Variants in ARHGAP32 observed in about 807,000 individuals in gnomAD.
ARHGAP32 encodes rho GTPase-activating protein 32.
Under a neutral mutation model 186.5 loss-of-function variants are expected in ARHGAP32, and 51 were observed. The observed-to-expected ratio is 0.27, with a 90% CI of 0.22 to 0.35. The LOEUF (loss-of-function observed/expected upper bound fraction) is 0.35. Among genes scored for constraint, ARHGAP32 ranks in the 10% least tolerant of loss-of-function variants. ARHGAP32 has a pLI of 1.00. For missense variants in ARHGAP32, 2,186 were observed against 2,623.5 expected (o/e 0.83, Z 3.64); for synonymous variants, 950 against 964.3 (o/e 0.99, Z 0.27).
At position 129,030,970 on chromosome 11, in the gene ARHGAP32, C is replaced by T. The variant is rs530807170; in HGVS notation, c.1045+9958G>A. ...CCACATGAGGTGCCTGCTCCCACTT[C>T]GCTTTCAACCATAAGTAAATGCTCC... On this transcript the variant is annotated intron_variant, in intron 11 of 22. Transcript: ENST00000682385. Among the ~76,000 whole-genome samples the T allele has an allele frequency of 8.5e-5, 13 of 152,342 alleles. 1 individual carries two copies. Among genetic ancestry groups the T allele is most frequent in the South Asian group, 8.3e-4 (4 of 4,826 alleles).
At chr11:129,137,804 AT>A (rs754827456) in intron 2 of ARHGAP32, among the ~76,000 whole-genome samples, 5 of 152,056 alleles carry the variant, frequency 3.3e-5, no homozygotes, top group Non-Finnish European at 7.4e-5. Flanking sequence ...TTAAATCTTG[AT>A]TATGGCACAG....
chr11:129,198,055 C>T (rs1054802256), intron 1 of ARHGAP32, among the ~76,000 whole-genome samples: 9 of 152,150 alleles, frequency 5.9e-5, no homozygotes, highest in Non-Finnish European at 1.3e-4. Context: ...CAGAAAAGGT[C>T]TACTTGAATA....
intron 1 of ARHGAP32, among the ~76,000 whole-genome samples, chr11:129,211,838 A>G (rs1944585982): frequency 6.6e-6 from 1 of 152,220 alleles, no homozygotes; most frequent in Non-Finnish European, 1.5e-5. Flanking sequence ...TTCAAGTGAA[A>G]GAAATATCAT....
intron 11 of ARHGAP32, among the ~76,000 whole-genome samples, chr11:129,007,650 T>C (rs1937856410): frequency 6.6e-6 from 1 of 152,154 alleles, no homozygotes; most frequent in Non-Finnish European, 1.5e-5. Context: ...AGAAGGGATC[T>C]GTTTTGGAGT....
At chr11:129,274,906 T>TA (rs74951555) in intron 1 of ARHGAP32, among the ~76,000 whole-genome samples, 106 of 135,294 alleles carry the variant, frequency 7.8e-4, no homozygotes, top group East Asian at 3.6e-3. Flanking sequence ...TTCATCTTTC[T>TA]AAAAAAAAAA....
chr11:129,074,255 C>G (rs1220955209), intron 6 of ARHGAP32, among the ~76,000 whole-genome samples: 1 of 132,334 alleles, frequency 7.6e-6, no homozygotes, highest in African/African-American at 3.0e-5. Flanking sequence ...CAACAATGTA[C>G]TTGACTATGT....
intron 1 of ARHGAP32, among the ~76,000 whole-genome samples, chr11:129,166,941 A>G (rs902205101): frequency 6.6e-6 from 1 of 152,110 alleles, no homozygotes; most frequent in African/African-American, 2.4e-5. Flanking sequence ...GGATTTCTCT[A>G]TTGGTTGAGA....
chr11:129,252,195 T>C (rs1330118614), intron 1 of ARHGAP32, among the ~76,000 whole-genome samples: 1 of 152,194 alleles, frequency 6.6e-6, no homozygotes, highest in Non-Finnish European at 1.5e-5. Flanking sequence ...CACTAATTGG[T>C]TTATTTCCAA....
At chr11:129,206,577 G>A (rs1013373408) in intron 1 of ARHGAP32, among the ~76,000 whole-genome samples, 4 of 151,778 alleles carry the variant, frequency 2.6e-5, no homozygotes, top group African/African-American at 9.7e-5. Context: ...ATGATATTTT[G>A]GTAAATAAGT....
intron 5 of ARHGAP32, among the ~76,000 whole-genome samples, chr11:129,109,299 T>A (rs181872809): frequency 6.6e-6 from 1 of 152,218 alleles, no homozygotes; most frequent in East Asian, 1.9e-4. Flanking sequence ...TAACCATTCG[T>A]CTGTGGAGAG....
At chr11:129,014,406 C>T (rs1048315886) in intron 11 of ARHGAP32, among the ~76,000 whole-genome samples, 5 of 152,134 alleles carry the variant, frequency 3.3e-5, no homozygotes, top group African/African-American at 1.2e-4. Context: ...GCAATCCCAA[C>T]GAATTCTTGC....
intron 11 of ARHGAP32, among the ~76,000 whole-genome samples, chr11:129,032,533 T>C (rs1413727173): frequency 1.3e-5 from 2 of 152,264 alleles, no homozygotes; most frequent in Non-Finnish European, 2.9e-5. Flanking sequence ...GGGATTTTAC[T>C]GTTCTGTGAT....
intron 6 of ARHGAP32, among the ~76,000 whole-genome samples, chr11:129,085,077 G>A (rs1941343760): frequency 6.6e-6 from 1 of 151,844 alleles, no homozygotes; most frequent in African/African-American, 2.4e-5. Context: ...AGGCTGGAGT[G>A]CAGTGGTACA....
At position 129,203,889 on chromosome 11, in the gene ARHGAP32, C is replaced by A. The variant is rs563071098; in HGVS notation, c.-4-39462G>T. Among the ~76,000 whole-genome samples, 40 of 148,612 alleles carry A rather than the reference C, an allele frequency of 2.7e-4. No homozygotes were observed. The South Asian group carries it at 7.8e-3, about 29-fold the overall frequency. On this transcript the variant is annotated intron_variant, in intron 1 of 6. Transcript: ENST00000525234. ...CACCAGCCCAGTCGACAGAGTGAGACCCCCATCTAAAAAAATTGCATATAT... is the reference window on the plus strand; with the variant it reads ...CACCAGCCCAGTCGACAGAGTGAGAACCCCATCTAAAAAAATTGCATATAT...
chr11:129,177,525 G>A (rs1422733706), intron 1 of ARHGAP32, among the ~76,000 whole-genome samples: 14 of 152,158 alleles, frequency 9.2e-5, no homozygotes, highest in Non-Finnish European at 1.6e-4. Context: ...GAACATTGAT[G>A]CAAAAACCCT....
At chr11:129,146,535 G>C (rs1943170141) in intron 2 of ARHGAP32, among the ~76,000 whole-genome samples, 1 of 152,026 alleles carries the variant, frequency 6.6e-6, no homozygotes, top group Admixed American at 6.6e-5. Flanking sequence ...ATATTTAATT[G>C]ATAAACAATC....
Position 128,978,806 on chromosome 11 carries a change from T to G in ARHGAP32, c.2086A>C (p.Ser696Arg). The stretch of plus-strand genomic sequence containing the variant: ...ATGGCTTTCATCTCTGAAGGCTCAC[T>G]CTCATTCCGCTGCAGCTTTCGTTTA... Reference protein sequence around the residue: ...VSKRKLQRNESEPSEMKAMAL... With the variant: ...VSKRKLQRNEREPSEMKAMAL... The change falls in exon 19 of 23, where the codon AGT (serine) becomes CGT (arginine). Residue 696 changes from serine to arginine, a missense_variant. This residue lies in a region of ARHGAP32 where 263 missense variants were observed against 323.5 expected (regional missense o/e 0.81). Coordinates refer to ENST00000682385, the MANE Select transcript of ARHGAP32 (RefSeq NM_001378024.1). 1 of 1,612,994 alleles carries G rather than the reference T, an allele frequency of 6.2e-7. No homozygotes were observed. The highest frequency in any genetic ancestry group is 1.1e-5 in the South Asian group (1 of 90,928).
chr11:129,028,663 T>A (rs977322645), intron 11 of ARHGAP32, among the ~76,000 whole-genome samples: 1 of 152,230 alleles, frequency 6.6e-6, no homozygotes, highest in Non-Finnish European at 1.5e-5. Flanking sequence ...GAATGACATG[T>A]TTGTCACTTA....
chr11:129,029,719 G>A lies in ARHGAP32; in HGVS notation c.1045+11209C>T, dbSNP rs556110904. Among the ~76,000 whole-genome samples, 22 of 139,552 alleles carry A rather than the reference G, an allele frequency of 1.6e-4. 1 individual carries two copies. The highest frequency in any genetic ancestry group is 4.9e-4 in the African/African-American group (19 of 38,496). 91.6% of individuals were successfully genotyped at this position (139,552 alleles called of 152,430 possible). A position where few individuals can be genotyped will look rare whatever the true frequency, so the allele number is the denominator to read the frequency against. Reference sequence around the variant, plus strand: ...CGGGAGGCTGAGGCAGGAGAATGGCGTGAACCCGGGAGGCGGAGCTTGCAG... The same window carrying A: ...CGGGAGGCTGAGGCAGGAGAATGGCATGAACCCGGGAGGCGGAGCTTGCAG... On this transcript the variant is annotated intron_variant, in intron 11 of 22. Coordinates refer to ENST00000682385, the MANE Select transcript of ARHGAP32 (RefSeq NM_001378024.1).
Sources: gnomAD v4.1 joint callset for allele counts (sites outside exome capture counted in the v4.1 genomes callset) on GRCh38, gnomAD v4.1.1 for gene constraint, gnomAD v4.1.1 regional missense constraint, MANE v1.5 for transcripts, NCBI Gene and HGNC (gene_info 2026-07-23, HGNC 2026-07-21) for gene names.